The following NSD1 variants were observed in gnomAD, a reference collection of about 807,000 sequenced individuals.
NSD1 encodes the protein histone-lysine N-methyltransferase, H3 lysine-36 specific.
In NSD1, 26 loss-of-function variants were observed where a neutral mutation model predicts 242.7. The observed-to-expected ratio is 0.11, with a 90% CI of 0.08 to 0.15. NSD1 has a LOEUF of 0.15. Ranked by LOEUF, NSD1 falls within the 10% of genes least tolerant of loss-of-function variation. The pLI is 1.00. For missense variants in NSD1, 2,495 were observed against 3,272.8 expected (o/e 0.76, Z 5.80); for synonymous variants, 1,106 against 1,178.1 (o/e 0.94, Z 1.25).
Position 177,267,745 on chromosome 5 carries a change from C to G in NSD1, c.5303+27C>G, listed in dbSNP as rs762199333. The G allele has an allele frequency of 1.9e-6, 3 of 1,609,264 alleles. 1 individual carries two copies. In the Middle Eastern group the frequency reaches 5.0e-4, roughly 266 times the overall value. On this transcript the variant is annotated intron_variant, in intron 15 of 22. Coordinates refer to ENST00000439151, the MANE Select transcript of NSD1 (RefSeq NM_022455.5). ...TAAGCCTGAAGAATAGCACTCATCTCTTTTACCATCCTCTGTTTCTTGAGA... is the reference window on the plus strand; with the variant it reads ...TAAGCCTGAAGAATAGCACTCATCTGTTTTACCATCCTCTGTTTCTTGAGA...
intron 5 of NSD1, among the ~76,000 whole-genome samples, chr5:177,216,137 C>G (rs187386870): frequency 3.3e-5 from 5 of 152,228 alleles, no homozygotes; most frequent in Admixed American, 3.3e-4. Flanking sequence ...TGCTGGGATT[C>G]CAGACATGAG....
At chr5:177,136,114 T>C (rs988648633) in intron 2 of NSD1, 84 bp downstream of exon 2, 1 of 1,234,994 alleles carries the variant, frequency 8.1e-7, no homozygotes. Context: ...ACAAATTTGT[T>C]TTTGGTTGCT....
chr5:177,170,361 T>G (rs1485969515), intron 2 of NSD1, among the ~76,000 whole-genome samples: 1 of 151,660 alleles, frequency 6.6e-6, no homozygotes, highest in Non-Finnish European at 1.5e-5. Flanking sequence ...ATTTAATTTT[T>G]TTTTTTAGAG....
chr5:177,206,759 C>G (rs1365273664), intron 4 of NSD1, among the ~76,000 whole-genome samples: 1 of 151,612 alleles, frequency 6.6e-6, no homozygotes, highest in Non-Finnish European at 1.5e-5. Flanking sequence ...GTAGAGTTAC[C>G]AATCTTTTTA....
chr5:177,222,173 G>C (rs1764290572), intron 5 of NSD1, among the ~76,000 whole-genome samples: 1 of 152,102 alleles, frequency 6.6e-6, no homozygotes. Flanking sequence ...CTGTCACCCA[G>C]GCTGGAGTGC....
intron 2 of NSD1, among the ~76,000 whole-genome samples, chr5:177,156,804 G>C (rs1368419103): frequency 6.6e-6 from 1 of 151,990 alleles, no homozygotes; most frequent in Non-Finnish European, 1.5e-5. Context: ...AGGCTGGGGC[G>C]GGCAGATCTT....
At chr5:177,150,962 T>C (rs139932929) in intron 2 of NSD1, among the ~76,000 whole-genome samples, 9 of 152,232 alleles carry the variant, frequency 5.9e-5, no homozygotes, top group Admixed American at 1.3e-4. Context: ...AAATTGGTAA[T>C]TTATAGTTGT....
chr5:177,244,037 C>T (rs146321471), intron 8 of NSD1, among the ~76,000 whole-genome samples, 158 bp from the exon 9 acceptor site: 76 of 152,246 alleles, frequency 5.0e-4, no homozygotes, highest in African/African-American at 1.7e-3. Context: ...CTGAAGTTTC[C>T]GTTCAACCCT....
chr5:177,163,618 A>G (rs1329397716), intron 2 of NSD1, among the ~76,000 whole-genome samples: 1 of 152,162 alleles, frequency 6.6e-6, no homozygotes, highest in Non-Finnish European at 1.5e-5. Flanking sequence ...AGTTCAGTAC[A>G]TGGCACATGG....
At chr5:177,170,137 T>C (rs1305626761) in intron 2 of NSD1, among the ~76,000 whole-genome samples, 1 of 146,366 alleles carries the variant, frequency 6.8e-6, no homozygotes, top group Non-Finnish European at 1.5e-5. Flanking sequence ...GCCCGGCTAA[T>C]TTTTTTTTGT....
chr5:177,192,397 T>G (rs542441242), intron 3 of NSD1, among the ~76,000 whole-genome samples: 101 of 151,936 alleles, frequency 6.6e-4, no homozygotes, highest in Middle Eastern at 3.4e-3. Context: ...TTTGTTTTTT[T>G]TTTTAATTTT....
chr5:177,234,485 G>A (rs1416807171), intron 5 of NSD1, among the ~76,000 whole-genome samples: 1 of 152,220 alleles, frequency 6.6e-6, no homozygotes, highest in Non-Finnish European at 1.5e-5. Flanking sequence ...GGGAGGCCAA[G>A]GCGGGCAGAT....
In NSD1 at chr5:177,238,116, G is replaced by T; in HGVS notation, c.3922-121G>T. 9.1e-7 allele frequency: 1 copy of T among 1,098,194 alleles called. No homozygotes were observed. Among genetic ancestry groups the T allele is most frequent in the Admixed American group, 1.7e-5 (1 of 57,406 alleles). 68.0% of individuals were successfully genotyped at this position (1,098,194 alleles called of 1,614,324 possible). A position where few individuals can be genotyped will look rare whatever the true frequency, so the allele number is the denominator to read the frequency against. On this transcript the variant is annotated intron_variant, in intron 6 of 22. Transcript: ENST00000439151. This position sits in a 1 kb window ranked among gnomAD's most constrained non-coding sequence, Gnocchi z 4.6. ...CCTTAGCATACATAATGTCTTCAAG[G>T]TTCATCCACTTTTTGTAGCCTTTGT...
At chr5:177,203,320 GA>G (rs2149835241) in intron 3 of NSD1, among the ~76,000 whole-genome samples, 1 of 151,860 alleles carries the variant, frequency 6.6e-6, no homozygotes. Flanking sequence ...ATCTTTTCTA[GA>G]TGGGATTTGT....
At position 177,238,067 on chromosome 5, in the gene NSD1, G is replaced by T. The variant is rs1301841237; in HGVS notation, c.3922-170G>T. On this transcript the variant is annotated intron_variant, in intron 6 of 22. Coordinates refer to ENST00000439151, the MANE Select transcript of NSD1 (RefSeq NM_022455.5). This position sits in a 1 kb window ranked among gnomAD's most constrained non-coding sequence, Gnocchi z 4.6. ...ATATACTTGAAATCATACGATATTT[G>T]TTCTTTGTGTCTTAAGTAATTTCCC... Among the ~76,000 whole-genome samples, 1 of 151,498 alleles carries T rather than the reference G, an allele frequency of 6.6e-6. No homozygotes were observed. The highest frequency in any genetic ancestry group is 1.5e-5 in the Non-Finnish European group (1 of 67,850).
At chr5:177,217,345 G>T (rs931491216) in intron 5 of NSD1, among the ~76,000 whole-genome samples, 2 of 151,960 alleles carry the variant, frequency 1.3e-5, no homozygotes, top group African/African-American at 4.8e-5. Context: ...TTTGTATCTT[G>T]GAACTTTGCC....
At chr5:177,179,116 C>T (rs1024125610) in intron 2 of NSD1, among the ~76,000 whole-genome samples, 1 of 152,110 alleles carries the variant, frequency 6.6e-6, no homozygotes, top group Admixed American at 6.6e-5. Context: ...AAGTGTAAAT[C>T]GTGTGATGGA....
Position 177,251,234 on chromosome 5 carries a change from C to T in NSD1, c.4642-496C>T, listed in dbSNP as rs143145874. On this transcript the variant is annotated intron_variant, in intron 11 of 22. Coordinates refer to ENST00000439151, the MANE Select transcript of NSD1 (RefSeq NM_022455.5). ...TAAATCTTACAATGTTTTATAGTGA[C>T]AGATGCCCATTGTTATTTCCTAAGC... Among the ~76,000 whole-genome samples, 9 of 152,010 alleles carry T rather than the reference C, an allele frequency of 5.9e-5. No homozygotes were observed. In the East Asian group the frequency reaches 1.5e-3, roughly 26 times the overall value.
chr5:177,266,575 T>G (rs571862369), intron 14 of NSD1: 8,842 of 676,200 alleles, frequency 0.013, 106 homozygotes, highest in South Asian at 0.024. Context: ...GTTCACGACC[T>G]CGGCGGCCGC....
Sources: allele counts gnomAD v4.1 joint callset (sites outside exome capture counted in the v4.1 genomes callset), GRCh38; gene constraint gnomAD v4.1.1; non-coding constraint Gnocchi (gnomAD v3.1); transcripts MANE v1.5; gene names NCBI Gene and HGNC (gene_info 2026-07-23, HGNC 2026-07-21).